VIT: variants seen among roughly 807,000 people sequenced by gnomAD.
VIT encodes the protein vitrin.
A neutral mutation model predicts 78.0 loss-of-function variants in VIT; 99 were observed. The ratio of observed to expected loss-of-function variants is 1.27; its 90% CI spans 1.08 to 1.50. The LOEUF is 1.50. VIT is among the 40% of genes most tolerant of loss of function. VIT has a pLI of 0.00. For synonymous variants in VIT, 374 were observed against 334.3 expected, an observed-to-expected ratio of 1.12 and a Z score of -1.29; for missense variants, 1,126 against 875.3, an observed-to-expected ratio of 1.29 and a Z score of -3.61.
At position 36,711,495 on chromosome 2, in the gene VIT, G is replaced by A. The variant is rs144520500; in HGVS notation, c.-18-4858G>A. Among the ~76,000 whole-genome samples, 589 of 152,284 alleles carry A rather than the reference G, an allele frequency of 3.9e-3. 5 individuals are homozygous for A. The highest frequency in any genetic ancestry group is 0.014 in the African/African-American group (569 of 41,568). On this transcript the variant is annotated intron_variant, in intron 1 of 15. Transcript: ENST00000379242. Reference sequence around the variant, plus strand: ...AACCCAGGCTTGACTTTGGGTATGTGACCTTGAATAAGTCACTTACCCACT... The same window carrying A: ...AACCCAGGCTTGACTTTGGGTATGTAACCTTGAATAAGTCACTTACCCACT...
intron 4 of VIT, among the ~76,000 whole-genome samples, chr2:36,751,925 A>T (rs550955366): frequency 6.6e-5 from 10 of 152,330 alleles, no homozygotes; most frequent in Non-Finnish European, 1.5e-4. Context: ...AAACAGTGCA[A>T]ATCTGTTTTC....
At chr2:36,716,223 A>G (rs1031831087) in intron 1 of VIT, 130 bp from the exon 2 acceptor site, 102 of 631,482 alleles carry the variant, frequency 1.6e-4, no homozygotes, top group Non-Finnish European at 2.5e-4. Flanking sequence ...GCTTATGGAA[A>G]TCTATAGCCT....
At chr2:36,710,290 TG>T (rs1353729771) in intron 1 of VIT, among the ~76,000 whole-genome samples, 4 of 152,310 alleles carry the variant, frequency 2.6e-5, no homozygotes, top group Non-Finnish European at 4.4e-5. Context: ...TAGGACAAAA[TG>T]GTAAGACTCC....
intron 7 of VIT, among the ~76,000 whole-genome samples, chr2:36,770,323 C>A (rs1029036100): frequency 6.6e-6 from 1 of 152,184 alleles, no homozygotes; most frequent in Admixed American, 6.5e-5. Context: ...CATTTGTACT[C>A]CACAATGGGA....
At chr2:36,742,430 A>G (rs538154535) in intron 3 of VIT, among the ~76,000 whole-genome samples, 6 of 152,286 alleles carry the variant, frequency 3.9e-5, no homozygotes, top group African/African-American at 1.4e-4. Context: ...GCAGATAAGA[A>G]AAGATCTCTC....
chr2:36,699,766 AC>A (rs1278884051), intron 1 of VIT, among the ~76,000 whole-genome samples: 3 of 152,114 alleles, frequency 2.0e-5, no homozygotes, highest in Non-Finnish European at 2.9e-5. Flanking sequence ...TGTCAATATA[AC>A]CCCATTCGGA....
intron 2 of VIT, among the ~76,000 whole-genome samples, chr2:36,721,099 C>T (rs950859775): frequency 6.6e-6 from 1 of 151,840 alleles, no homozygotes; most frequent in African/African-American, 2.4e-5. Flanking sequence ...GCTTATAAAA[C>T]CGCATTGTTT....
chr2:36,798,517 G>A (rs1247382826), intron 12 of VIT, among the ~76,000 whole-genome samples: 1 of 152,172 alleles, frequency 6.6e-6, no homozygotes, highest in Admixed American at 6.5e-5. Flanking sequence ...AGCACTTTGG[G>A]AGGCCAAGGC....
At chr2:36,810,306 G>A (rs1288460898) in intron 15 of VIT, among the ~76,000 whole-genome samples, 1 of 152,120 alleles carries the variant, frequency 6.6e-6, no homozygotes, top group Non-Finnish European at 1.5e-5. Flanking sequence ...AAAATAAAAT[G>A]TTCAAAGAGC....
intron 6 of VIT, among the ~76,000 whole-genome samples, chr2:36,764,697 TG>T (rs1435987101): frequency 1.3e-5 from 2 of 152,090 alleles, no homozygotes; most frequent in Non-Finnish European, 2.9e-5. Context: ...CCAGGAATAC[TG>T]TTTGCTGACC....
intron 3 of VIT, among the ~76,000 whole-genome samples, chr2:36,731,206 G>A (rs1299354372): frequency 6.6e-6 from 1 of 152,104 alleles, no homozygotes; most frequent in African/African-American, 2.4e-5. Context: ...AGAAAGTTCA[G>A]TAGAACCCCT....
chr2:36,716,816 C>A (rs543210089), intron 2 of VIT, among the ~76,000 whole-genome samples: 1 of 150,946 alleles, frequency 6.6e-6, no homozygotes. Flanking sequence ...AAATTCTTAC[C>A]GCTGACATGG....
At chr2:36,774,603 A>C in intron 8 of VIT, 1 of 985,368 alleles carries the variant, frequency 1.0e-6, no homozygotes, top group Non-Finnish European at 1.2e-6. Flanking sequence ...TTTGCTTGCT[A>C]CTGGATAGGA....
intron 7 of VIT, among the ~76,000 whole-genome samples, chr2:36,767,949 G>T (rs1411525582): frequency 6.6e-6 from 1 of 152,154 alleles, no homozygotes; most frequent in African/African-American, 2.4e-5. Flanking sequence ...TTCCACTATT[G>T]TCTTAGCAAT....
intron 12 of VIT, among the ~76,000 whole-genome samples, chr2:36,798,736 G>C (rs1666094018): frequency 6.6e-6 from 1 of 152,076 alleles, no homozygotes; most frequent in Non-Finnish European, 1.5e-5. Flanking sequence ...TCCAGCCTGG[G>C]CAACAGAGCA....
rs767724501 is a variant in VIT, at chr2:36,755,061, C to G, written c.409+7C>G. 5 of 1,612,778 alleles carry G rather than the reference C, an allele frequency of 3.1e-6. No individual in the cohort carries two copies. In the East Asian group the frequency reaches 1.1e-4, roughly 36 times the overall value. ...GAATCCTTTATCGTCTTAGGTATGA[C>G]CACACACTGGAGAAACGCTGCTAAA... On this transcript the variant is annotated splice_region_variant and intron_variant, in intron 5 of 15. Transcript: ENST00000379242.
intron 2 of VIT, among the ~76,000 whole-genome samples, chr2:36,728,812 C>CAAAA (rs768222712): frequency 2.9e-4 from 1 of 3,430 alleles, no homozygotes; most frequent in African/African-American, 5.0e-4. Context: ...GACTCCGTCT[C>CAAAA]AAAAAAAAAA....
chr2:36,776,041 G>C (rs927539880), intron 9 of VIT, among the ~76,000 whole-genome samples: 2 of 152,230 alleles, frequency 1.3e-5, no homozygotes, highest in African/African-American at 4.8e-5. Flanking sequence ...AGTACATCTG[G>C]TCTAACTTCT....
At chr2:36,716,470 A>G in intron 2 of VIT, 48 bp downstream of exon 2, 1 of 1,579,252 alleles carries the variant, frequency 6.3e-7, no homozygotes, top group Non-Finnish European at 8.7e-7. Context: ...AAATTTTCCT[A>G]AGATCCAAAG....
Sources: gnomAD v4.1 joint callset for allele counts (sites outside exome capture counted in the v4.1 genomes callset) on GRCh38, gnomAD v4.1.1 for gene constraint, MANE v1.5 for transcripts, NCBI Gene and HGNC (gene_info 2026-07-23, HGNC 2026-07-21) for gene names.